Variants in AFG2A observed in about 807,000 individuals in gnomAD.
AFG2A encodes the protein AAA ATPase AFG2A, also known as ATPase family gene 2 protein homolog A.
the AFG2A span, among the ~76,000 whole-genome samples, chr4:123,007,568 A>ATGTGTGTG: frequency 2.8e-3 from 257 of 91,696 alleles, no homozygotes; most frequent in African/African-American, 8.1e-3. Context: ...GTGTGTGTAT[A>ATGTGTGTG]TGTGTGTGTG....
At chr4:123,171,636 T>C in the AFG2A span, among the ~76,000 whole-genome samples, 1 of 152,190 alleles carries the variant, frequency 6.6e-6, no homozygotes, top group African/African-American at 2.4e-5. Context: ...ATTATCCATC[T>C]TCCCCTGCAA....
the AFG2A span, among the ~76,000 whole-genome samples, chr4:123,044,862 G>A: frequency 6.6e-6 from 1 of 151,542 alleles, no homozygotes; most frequent in Non-Finnish European, 1.5e-5. Flanking sequence ...CAGCTTGTAA[G>A]CTTATTTAGT....
the AFG2A span, chr4:122,947,107 A>AAAGTAATT: frequency 1.2e-6 from 1 of 807,602 alleles, no homozygotes; most frequent in Non-Finnish European, 1.7e-6. Flanking sequence ...TGAAAGCGTA[A>AAAGTAATT]GAAATAGGAC....
At chr4:123,028,306 GTTC>G in the AFG2A span, 1 of 1,614,126 alleles carries the variant, frequency 6.2e-7, no homozygotes, top group Non-Finnish European at 8.5e-7. Context: ...ACCTAAAGGA[GTTC>G]TTCTCTATGG....
At chr4:123,310,420 C>G in the AFG2A span, among the ~76,000 whole-genome samples, 1 of 152,320 alleles carries the variant, frequency 6.6e-6, no homozygotes, top group South Asian at 2.1e-4. Flanking sequence ...TTCTTCCCAC[C>G]TTGCTGCTTC....
the AFG2A span, among the ~76,000 whole-genome samples, chr4:123,162,640 T>C: frequency 6.6e-6 from 1 of 152,140 alleles, no homozygotes; most frequent in African/African-American, 2.4e-5. Flanking sequence ...ATCAGGAAGT[T>C]TAGGTTACCT....
At chr4:123,168,141 G>C in the AFG2A span, among the ~76,000 whole-genome samples, 1 of 152,166 alleles carries the variant, frequency 6.6e-6, no homozygotes, top group Non-Finnish European at 1.5e-5. Context: ...GAGTGAGCCA[G>C]GATAATGCCA....
At chr4:123,177,382 G>C in the AFG2A span, among the ~76,000 whole-genome samples, 1 of 151,810 alleles carries the variant, frequency 6.6e-6, no homozygotes, top group South Asian at 2.1e-4. Flanking sequence ...TAGTAGAGAC[G>C]GGGTTTCACC....
At chr4:123,052,197 ATTCT>A in the AFG2A span, among the ~76,000 whole-genome samples, 1 of 151,810 alleles carries the variant, frequency 6.6e-6, no homozygotes, top group Non-Finnish European at 1.5e-5. Context: ...AAGCTCACTG[ATTCT>A]TTCTTCCTTT....
At chr4:123,193,698 T>G in the AFG2A span, among the ~76,000 whole-genome samples, 2 of 151,774 alleles carry the variant, frequency 1.3e-5, no homozygotes, top group East Asian at 3.9e-4. Flanking sequence ...ATGCAATGTA[T>G]TTTTTGTTTC....
chr4:123,204,846 C>G, the AFG2A span, among the ~76,000 whole-genome samples: 3 of 152,154 alleles, frequency 2.0e-5, no homozygotes, highest in Non-Finnish European at 4.4e-5. Context: ...CTGGCTCTTC[C>G]CAGTTTGCAA....
chr4:123,165,793 T>C, the AFG2A span, among the ~76,000 whole-genome samples: 1 of 152,166 alleles, frequency 6.6e-6, no homozygotes. Flanking sequence ...ATAAAGTGAA[T>C]TTTTTCAAAG....
the AFG2A span, among the ~76,000 whole-genome samples, chr4:123,211,132 A>G: frequency 6.6e-6 from 1 of 152,194 alleles, no homozygotes; most frequent in South Asian, 2.1e-4. Context: ...AAGATAAAGT[A>G]TTTTACCAAC....
chr4:123,162,289 G>A, the AFG2A span, among the ~76,000 whole-genome samples: 1 of 152,152 alleles, frequency 6.6e-6, no homozygotes, highest in South Asian at 2.1e-4. Context: ...AAGGAAAAAT[G>A]GGACTTTTGA....
the AFG2A span, among the ~76,000 whole-genome samples, chr4:123,167,219 A>G: frequency 1.3e-5 from 2 of 148,516 alleles, no homozygotes; most frequent in Non-Finnish European, 3.0e-5. Flanking sequence ...TTTGATATAT[A>G]TACTTACATA....
the AFG2A span, among the ~76,000 whole-genome samples, chr4:123,016,443 G>T: frequency 1.3e-5 from 2 of 151,390 alleles, no homozygotes; most frequent in Non-Finnish European, 2.9e-5. Flanking sequence ...CCTCCCAGAC[G>T]GGGTCGCGGC....
At chr4:123,087,313 G>T in the AFG2A span, among the ~76,000 whole-genome samples, 2 of 152,166 alleles carry the variant, frequency 1.3e-5, no homozygotes, top group Non-Finnish European at 2.9e-5. Context: ...CGTTAGGTGG[G>T]ACAGGATGGC....
the AFG2A span, among the ~76,000 whole-genome samples, chr4:123,168,239 T>C: frequency 2.6e-3 from 398 of 152,246 alleles, 2 homozygotes; most frequent in Middle Eastern, 0.017. Flanking sequence ...TCATCCTTCC[T>C]CCTGACTGTG....
chr4:123,286,346 C>T, the AFG2A span, among the ~76,000 whole-genome samples: 2 of 152,030 alleles, frequency 1.3e-5, no homozygotes, highest in Non-Finnish European at 2.9e-5. Context: ...GAGTTAATGA[C>T]TTATATATTT....
Sources: allele counts gnomAD v4.1 joint callset (sites outside exome capture counted in the v4.1 genomes callset), GRCh38; gene constraint gnomAD v4.1.1; transcripts MANE v1.5; gene names NCBI Gene and HGNC (gene_info 2026-07-23, HGNC 2026-07-21).